ZCWPW2: variants seen among roughly 807,000 people sequenced by gnomAD.
The protein encoded by ZCWPW2 is zinc finger CW-type and PWWP domain containing 2, also known as zinc finger CW-type PWWP domain protein 2.
ZCWPW2 carries 45 observed loss-of-function variants against 46.6 expected under a neutral mutation model. The observed-to-expected ratio is 0.96, with a 90% CI of 0.76 to 1.24. The LOEUF is 1.24. ZCWPW2 is among the 50% of genes most tolerant of loss of function. The pLI, the probability that ZCWPW2 is intolerant of heterozygous loss-of-function variation, is 0.00. For synonymous variants in ZCWPW2, 152 were observed against 137.1 expected, an observed-to-expected ratio of 1.11 and a Z score of -0.76; for missense variants, 429 against 403.9, an observed-to-expected ratio of 1.06 and a Z score of -0.53.
chr3:28,485,446 T>C lies in ZCWPW2; in HGVS notation c.610+6515T>C, dbSNP rs142989766. 2.5e-3 allele frequency among the ~76,000 whole-genome samples: 378 copies of C among 152,264 alleles called. 1 individual carries two copies. Among genetic ancestry groups the C allele is most frequent in the African/African-American group, 8.3e-3 (345 of 41,558 alleles). ...TTGATGGTGCTTTTGAGTGCAACTG[T>C]GTCTTTTTGCTGGATTTGTTCATTT... is the stretch of plus-strand genomic sequence containing the variant. On this transcript the variant is annotated intron_variant, in intron 5 of 9. Coordinates refer to ENST00000383768, the MANE Select transcript of ZCWPW2 (RefSeq NM_001040432.4).
Position 28,444,233 on chromosome 3 carries a change from C to T in ZCWPW2, c.492+8964C>T, listed in dbSNP as rs537524106. 3.6e-4 allele frequency among the ~76,000 whole-genome samples: 55 copies of T among 152,238 alleles called. No individual in the cohort carries two copies. The South Asian group carries it at 7.7e-3, about 21-fold the overall frequency. On this transcript the variant is annotated intron_variant, in intron 4 of 9. Coordinates refer to ENST00000383768, the MANE Select transcript of ZCWPW2 (RefSeq NM_001040432.4). The stretch of plus-strand genomic sequence containing the variant: ...CAAACAGCCCTTCTTGAGTGTAGCA[C>T]GCCTCCTCATGGTCACACTCTCAAC...
At chr3:28,502,383 T>TA (rs1559531706) in intron 6 of ZCWPW2, among the ~76,000 whole-genome samples, 2 of 152,102 alleles carry the variant, frequency 1.3e-5, no homozygotes, top group African/African-American at 2.4e-5. Flanking sequence ...CTCCTTAAGT[T>TA]AAAAAAGAAA....
chr3:28,360,301 C>T (rs949093795), intron 1 of ZCWPW2, among the ~76,000 whole-genome samples: 5 of 139,902 alleles, frequency 3.6e-5, no homozygotes, highest in South Asian at 2.2e-4. Context: ...ATCAGAAGAT[C>T]GAGACCATCC....
At chr3:28,400,708 A>C (rs1015761904) in intron 2 of ZCWPW2, among the ~76,000 whole-genome samples, 4 of 152,338 alleles carry the variant, frequency 2.6e-5, no homozygotes, top group Non-Finnish European at 5.9e-5. Flanking sequence ...TATATGAAGG[A>C]AAGATACAGT....
At chr3:28,477,717 T>G (rs1407285854) in intron 4 of ZCWPW2, among the ~76,000 whole-genome samples, 1 of 152,154 alleles carries the variant, frequency 6.6e-6, no homozygotes. Context: ...CACTTCTGTG[T>G]AAAGGGTGAA....
chr3:28,426,361 A>G (rs1697011705), intron 3 of ZCWPW2, among the ~76,000 whole-genome samples: 1 of 151,844 alleles, frequency 6.6e-6, no homozygotes, highest in African/African-American at 2.4e-5. Context: ...TCAAGCAGAA[A>G]CTAGGCTCTG....
At position 28,380,964 on chromosome 3, in the gene ZCWPW2, ATATATATTTG is replaced by A. The variant is rs1559480681; in HGVS notation, c.-133-9533_-133-9524del. ...TATATATATATATATATATATATAT[ATATATATTTG>A]GTATATATATATATATATATATTTG... On this transcript the variant is annotated intron_variant, in intron 1 of 9. Transcript: ENST00000383768. 8.9e-4 allele frequency among the ~76,000 whole-genome samples: 32 copies of A among 36,000 alleles called. 8 individuals carry two copies. Among genetic ancestry groups the A allele is most frequent in the Middle Eastern group, 0.01 (1 of 100 alleles). The allele number at this position is 36,000 out of a possible 152,430, so 23.6% of individuals were successfully genotyped here.
intron 4 of ZCWPW2, chr3:28,478,188 C>T (rs1037723): frequency 0.2 from 35,710 of 174,324 alleles, 4,169 homozygotes; most frequent in Middle Eastern, 0.29. Flanking sequence ...AATTTGTATG[C>T]ATATGTTAAT....
chr3:28,432,148 A>C (rs550806576), intron 3 of ZCWPW2, among the ~76,000 whole-genome samples: 1 of 152,318 alleles, frequency 6.6e-6, no homozygotes, highest in East Asian at 1.9e-4. Flanking sequence ...GGGTGGGGAC[A>C]CAAAGCCTAA....
chr3:28,503,391 CA>C (rs1276027669), intron 6 of ZCWPW2, among the ~76,000 whole-genome samples: 1 of 152,118 alleles, frequency 6.6e-6, no homozygotes, highest in African/African-American at 2.4e-5. Context: ...GATTCAGAGA[CA>C]CATAAGTCCT....
At chr3:28,361,420 A>G (rs1397112190) in intron 1 of ZCWPW2, among the ~76,000 whole-genome samples, 1 of 152,218 alleles carries the variant, frequency 6.6e-6, no homozygotes, top group Admixed American at 6.5e-5. Flanking sequence ...ATAAGGAATT[A>G]AACTATAAAA....
intron 8 of ZCWPW2, 64 bp from the exon 9 acceptor site, chr3:28,520,928 A>C (rs1410157096): frequency 6.3e-7 from 1 of 1,581,804 alleles, no homozygotes; most frequent in Non-Finnish European, 8.6e-7. Flanking sequence ...GGTAGTTAAG[A>C]TTATGAATTA....
chr3:28,444,261 C>G (rs1486493768), intron 4 of ZCWPW2, among the ~76,000 whole-genome samples: 2 of 152,184 alleles, frequency 1.3e-5, no homozygotes, highest in Non-Finnish European at 2.9e-5. Context: ...CTCTCAACCT[C>G]ACCTCTAGGG....
At chr3:28,402,930 C>T (rs1008285514) in intron 2 of ZCWPW2, among the ~76,000 whole-genome samples, 1 of 152,116 alleles carries the variant, frequency 6.6e-6, no homozygotes, top group Non-Finnish European at 1.5e-5. Flanking sequence ...GACAAACTCA[C>T]AGTCAACATA....
At chr3:28,447,832 G>A in intron 4 of ZCWPW2, 1 of 1,035,976 alleles carries the variant, frequency 9.7e-7, no homozygotes, top group Non-Finnish European at 1.5e-6. Flanking sequence ...TTTATACAAA[G>A]AAGGTTGGGA....
chr3:28,513,844 A>G (rs1700491261), intron 6 of ZCWPW2, among the ~76,000 whole-genome samples: 1 of 152,098 alleles, frequency 6.6e-6, no homozygotes, highest in South Asian at 2.1e-4. Flanking sequence ...TATGGGAGGT[A>G]GGCATCCAAA....
intron 1 of ZCWPW2, among the ~76,000 whole-genome samples, chr3:28,362,210 A>G (rs1012871385): frequency 6.6e-6 from 1 of 152,174 alleles, no homozygotes; most frequent in African/African-American, 2.4e-5. Flanking sequence ...TTAGTTATAT[A>G]AGATGAAAAT....
At chr3:28,490,920 A>T (rs908827261) in intron 5 of ZCWPW2, among the ~76,000 whole-genome samples, 1 of 152,116 alleles carries the variant, frequency 6.6e-6, no homozygotes, top group Non-Finnish European at 1.5e-5. Context: ...TTAAGGTAAA[A>T]TGTATATTTC....
intron 1 of ZCWPW2, among the ~76,000 whole-genome samples, chr3:28,370,975 G>A (rs183163913): frequency 0.011 from 1,716 of 151,956 alleles, 31 homozygotes; most frequent in African/African-American, 0.036. Context: ...CAGGTGATCC[G>A]CCTGCCTCAG....
Sources: allele counts gnomAD v4.1 joint callset (sites outside exome capture counted in the v4.1 genomes callset), GRCh38; gene constraint gnomAD v4.1.1; transcripts MANE v1.5; gene names NCBI Gene and HGNC (gene_info 2026-07-23, HGNC 2026-07-21).